The following TJP2 variants were observed in gnomAD, a reference collection of about 807,000 sequenced individuals.
The protein encoded by TJP2 is Friedreich ataxia region gene X104 (tight junction protein ZO-2).
TJP2 carries 91 observed loss-of-function variants against 133.1 expected under a neutral mutation model. That is an observed-to-expected ratio of 0.68 (90% CI 0.58 to 0.81). The LOEUF (loss-of-function observed/expected upper bound fraction) is 0.81. TJP2 is among the 40% of genes least tolerant of loss of function. The pLI is 0.00. For synonymous variants in TJP2, 592 were observed against 583.4 expected (o/e 1.01, Z -0.21); for missense variants, 1,541 against 1,565.6 (o/e 0.98, Z 0.26).
intron 1 of TJP2, among the ~76,000 whole-genome samples, chr9:69,192,604 A>G (rs575372983): frequency 6.6e-6 from 1 of 152,284 alleles, no homozygotes; most frequent in East Asian, 1.9e-4. Flanking sequence ...TCAGATAAAC[A>G]TTTCTTGATA....
intron 1 of TJP2, among the ~76,000 whole-genome samples, chr9:69,205,939 T>G (rs1827365778): frequency 6.6e-6 from 1 of 152,156 alleles, no homozygotes; most frequent in Non-Finnish European, 1.5e-5. Flanking sequence ...TATAGGATTT[T>G]TACCTATCTG....
In TJP2 at chr9:69,220,073, C is replaced by T. The variant is rs571187677; in HGVS notation, c.343-814C>T. 3.8e-3 allele frequency among the ~76,000 whole-genome samples: 574 copies of T among 152,276 alleles called. 4 individuals are homozygous for T. Among genetic ancestry groups the T allele is most frequent in the Non-Finnish European group, 5.9e-3 (401 of 68,022 alleles). On this transcript the variant is annotated intron_variant, in intron 4 of 22. Coordinates refer to ENST00000377245, the MANE Select transcript of TJP2 (RefSeq NM_004817.4). ...GGTGAGGCACGAGAATCGCTTGAAC[C>T]TGGGAGGCGGAGGTTGCAGTGAGCT... is the stretch of plus-strand genomic sequence containing the variant.
chr9:69,242,025 CAG>C (rs886937364), intron 17 of TJP2, among the ~76,000 whole-genome samples: 2 of 152,204 alleles, frequency 1.3e-5, no homozygotes, highest in African/African-American at 4.8e-5. Context: ...CGTCTTCCCT[CAG>C]AGAGTTAAAT....
rs1007201243 is a variant in TJP2, at chr9:69,220,768, C to T, written c.343-119C>T. The T allele has an allele frequency of 3.1e-5, 29 of 949,588 alleles. No homozygotes were observed. In the East Asian group the frequency reaches 7.3e-4, roughly 24 times the overall value. 58.8% of individuals were successfully genotyped at this position (949,588 alleles called of 1,614,324 possible). The stretch of plus-strand genomic sequence containing the variant: ...CCGTTTCCGGATGAGGAACCTGAAC[C>T]TTAGTGAGTCGGCAGGGATACGGTT... On this transcript the variant is annotated intron_variant, in intron 4 of 22. Transcript: ENST00000377245.
At chr9:69,183,994 T>A (rs1428759717) in intron 1 of TJP2, among the ~76,000 whole-genome samples, 5 of 152,214 alleles carry the variant, frequency 3.3e-5, no homozygotes, top group African/African-American at 1.2e-4. Flanking sequence ...GGATTATAAA[T>A]GCGAGCCACC....
At chr9:69,216,277 G>C in intron 2 of TJP2, 62 bp from the exon 3 acceptor site, 1 of 1,602,528 alleles carries the variant, frequency 6.2e-7, no homozygotes, top group Non-Finnish European at 8.5e-7. Context: ...TTGAGTGCTT[G>C]TAATAAATCC....
At chr9:69,254,187 T>A in intron 22 of TJP2, 22 bp from the exon 23 acceptor site, 1 of 1,614,186 alleles carries the variant, frequency 6.2e-7, no homozygotes, top group Non-Finnish European at 8.5e-7. Flanking sequence ...CTGGAATGTC[T>A]TTAACACCCT....
At chr9:69,234,376 TTC>T in intron 11 of TJP2, 61 bp from the exon 12 acceptor site, 1 of 1,244,504 alleles carries the variant, frequency 8.0e-7, no homozygotes, top group East Asian at 2.4e-5. Flanking sequence ...TGTTTTTTCT[TTC>T]TTTCTTTCTT....
At chr9:69,174,457 G>T in intron 1 of TJP2, 25 bp downstream of exon 1, 4 of 1,543,600 alleles carry the variant, frequency 2.6e-6, no homozygotes, top group Non-Finnish European at 3.5e-6. Context: ...GTGCCGCGCG[G>T]TTGGGAGGAG....
intron 1 of TJP2, among the ~76,000 whole-genome samples, chr9:69,184,988 GA>G (rs1825757937): frequency 6.6e-6 from 1 of 151,766 alleles, no homozygotes; most frequent in Non-Finnish European, 1.5e-5. Context: ...GGGCTCAGGC[GA>G]TCCTCCTACC....
rs774226578 is a variant in TJP2 at position 69,228,081 on chromosome 9, A to G, written c.1420A>G (p.Asn474Asp). ...DIAGTVVPET[N>D]KEPRYQEDPP... is the part of the protein sequence containing the mutation. ...TGCAGGCACAGTTGTCCCAGAGACCAACAAGGAACCCAGATACCAAGAGGA... is the reference window on the plus strand; with the variant it reads ...TGCAGGCACAGTTGTCCCAGAGACCGACAAGGAACCCAGATACCAAGAGGA... The change falls in exon 9 of 23, where the codon AAC becomes GAC. Residue 474 changes from asparagine to aspartate, a missense_variant. Asn to Asp is a conservative substitution (Grantham distance 23, BLOSUM62 1). Transcript: ENST00000377245. 1.2e-6 allele frequency: 2 copies of G among 1,613,292 alleles called. No homozygotes were observed. Among genetic ancestry groups the G allele is most frequent in the Admixed American group, 3.3e-5 (2 of 59,866 alleles).
intron 4 of TJP2, among the ~76,000 whole-genome samples, chr9:69,218,970 ATTT>A (rs749157849): frequency 1.0e-4 from 6 of 59,780 alleles, no homozygotes; most frequent in Admixed American, 1.3e-4. Context: ...GTGTGTGTGT[ATTT>A]TTTTTTTTTT....
rs1824901947 is a variant in TJP2 at position 69,174,421 on chromosome 9, G to C, written c.49G>C (p.Gly17Arg). 1.3e-6 allele frequency: 2 copies of C among 1,551,454 alleles called. No homozygotes were observed. The highest frequency in any genetic ancestry group is 8.7e-7 in the Non-Finnish European group (1 of 1,147,070). Residue 17 changes from glycine (G) to arginine (R), a missense_variant, in exon 1 of 23, where the codon GGT becomes CGT. Coordinates refer to ENST00000377245, the MANE Select transcript of TJP2 (RefSeq NM_004817.4). ...RGFPPRRELS[G>R]WLRAPGMEEL... The stretch of plus-strand genomic sequence containing the variant: ...GTTTCCACCCCGGCGGGAGCTGTCA[G>C]GTTGGCTCCGCGTAAGTGCCTCCTT...
chr9:69,251,339 A>C lies in TJP2; in HGVS notation c.3296A>C (p.Glu1099Ala), dbSNP rs1563963391. ...AAGGCCAGGTTACAGAGAATGCAGG[A>C]GCTCCAGGAAGCACAGAATGCAAGG... is the stretch of plus-strand genomic sequence containing the variant. ...DHKARLQRMQELQEAQNARIE... is the reference protein window; with the variant it reads ...DHKARLQRMQALQEAQNARIE... The change falls in exon 21 of 23, where the codon GAG becomes GCG. Residue 1099 changes from glutamate to alanine, a missense_variant. Glu to Ala is a moderately radical substitution (Grantham distance 107). Transcript: ENST00000377245. The C allele has an allele frequency of 1.9e-6, 3 of 1,613,930 alleles. No individual in the cohort carries two copies. The highest frequency in any genetic ancestry group is 2.5e-6 in the Non-Finnish European group (3 of 1,180,044).
chr9:69,170,278 A>AT (rs1163827882), upstream of TJP2, among the ~76,000 whole-genome samples: 4 of 152,226 alleles, frequency 2.6e-5, no homozygotes, highest in South Asian at 2.1e-4. Context: ...TCATGAAGTC[A>AT]TTTTTTTGCA....
At position 69,223,331 on chromosome 9, in the gene TJP2, G is replaced by A. The variant is rs900898635; in HGVS notation, c.952+1835G>A. ...GTTTTGTTTTGTTTTGTTTTGAGAC[G>A]GAGTCTCGCTCTTTCGCCCAGGGTG... On this transcript the variant is annotated intron_variant, in intron 5 of 22. Transcript: ENST00000377245. 5.3e-5 allele frequency among the ~76,000 whole-genome samples: 8 copies of A among 151,782 alleles called. No homozygotes were observed. The South Asian group carries it at 6.2e-4, about 12-fold the overall frequency.
chr9:69,214,484 T>C (rs1012506830), intron 2 of TJP2, among the ~76,000 whole-genome samples: 3 of 152,212 alleles, frequency 2.0e-5, no homozygotes, highest in African/African-American at 7.2e-5. Context: ...ATAAATCTTA[T>C]TTCCGATCTT....
At chr9:69,225,996 AACATT>A (rs1461085974) in intron 6 of TJP2, 21 bp from the exon 7 acceptor site, 8 of 1,612,934 alleles carry the variant, frequency 5.0e-6, no homozygotes, top group Non-Finnish European at 6.8e-6. Context: ...TATTGCATTT[AACATT>A]ACCATTTTTT....
chr9:69,226,345 C>T lies in TJP2; in HGVS notation c.1210+170C>T, dbSNP rs182431904. Among the ~76,000 whole-genome samples, 793 of 152,242 alleles carry T rather than the reference C, an allele frequency of 5.2e-3. 4 individuals carry two copies. The highest frequency in any genetic ancestry group is 8.0e-3 in the Admixed American group (123 of 15,280). On this transcript the variant is annotated intron_variant, in intron 7 of 22. Transcript: ENST00000377245. ...TGGTTGTTATTTGCTTATTAAAGTGCCTATTGAAATTAGGTTTCCAATACA... is the reference window on the plus strand; with the variant it reads ...TGGTTGTTATTTGCTTATTAAAGTGTCTATTGAAATTAGGTTTCCAATACA...
Sources: allele counts gnomAD v4.1 joint callset (sites outside exome capture counted in the v4.1 genomes callset), GRCh38; gene constraint gnomAD v4.1.1; transcripts MANE v1.5; gene names NCBI Gene and HGNC (gene_info 2026-07-23, HGNC 2026-07-21).